MDGA2: variants seen among roughly 807,000 people sequenced by gnomAD.
The protein encoded by MDGA2 is MAM domain-containing glycosylphosphatidylinositol anchor protein 2.
A neutral mutation model predicts 117.8 loss-of-function variants in MDGA2; 40 were observed. The observed-to-expected ratio is 0.34, with a 90% CI of 0.26 to 0.44. The LOEUF (loss-of-function observed/expected upper bound fraction) is 0.44, where lower values mean the gene tolerates loss of function less well. MDGA2 is among the 20% of genes least tolerant of loss of function. The pLI is 1.00. For missense variants in MDGA2, 1,123 were observed against 1,250.6 expected (o/e 0.90, Z 1.54); for synonymous variants, 452 against 439.0 (o/e 1.03, Z -0.37).
At chr14:46,972,134 G>A (rs1343961716) in intron 8 of MDGA2, among the ~76,000 whole-genome samples, 2 of 152,084 alleles carry the variant, frequency 1.3e-5, no homozygotes, top group African/African-American at 4.8e-5. Context: ...ACTGGCATTT[G>A]AAATGGGGCC....
At chr14:47,558,227 C>G (rs573279616) in intron 1 of MDGA2, among the ~76,000 whole-genome samples, 2 of 152,268 alleles carry the variant, frequency 1.3e-5, no homozygotes, top group South Asian at 4.1e-4. Context: ...AATAACATTA[C>G]TCTTCAAACA....
intron 1 of MDGA2, among the ~76,000 whole-genome samples, chr14:47,442,908 G>T (rs1309344700): frequency 6.6e-6 from 1 of 151,822 alleles, no homozygotes; most frequent in African/African-American, 2.4e-5. Context: ...CCCTTTGTTC[G>T]GCGTACCCAT....
At chr14:47,249,012 TTG>T (rs1887350167) in intron 2 of MDGA2, among the ~76,000 whole-genome samples, 1 of 133,888 alleles carries the variant, frequency 7.5e-6, no homozygotes, top group Non-Finnish European at 1.6e-5. Flanking sequence ...TTCTTTTTTG[TTG>T]TTGTTGTTGT....
intron 3 of MDGA2, among the ~76,000 whole-genome samples, chr14:47,150,872 C>T (rs940679216): frequency 2.7e-5 from 4 of 147,680 alleles, no homozygotes; most frequent in Non-Finnish European, 4.4e-5. Context: ...TGTAGTGAGC[C>T]GAGATTGTGC....
At chr14:47,365,462 A>G (rs772023622) in intron 1 of MDGA2, among the ~76,000 whole-genome samples, 1 of 152,398 alleles carries the variant, frequency 6.6e-6, no homozygotes, top group Non-Finnish European at 1.5e-5. Context: ...TGCTGCTGGC[A>G]GCGCAACCCA....
intron 2 of MDGA2, among the ~76,000 whole-genome samples, chr14:47,270,695 T>C (rs182014423): frequency 6.6e-6 from 1 of 152,270 alleles, no homozygotes; most frequent in East Asian, 1.9e-4. Context: ...AAATATTTTA[T>C]AGGAGAGTAA....
At chr14:47,168,847 A>G (rs554523418) in intron 3 of MDGA2, among the ~76,000 whole-genome samples, 25 of 152,214 alleles carry the variant, frequency 1.6e-4, no homozygotes, top group African/African-American at 4.6e-4. Flanking sequence ...CACTAATTCA[A>G]TGATTTTTCT....
At chr14:47,616,360 A>G (rs921329685) in intron 1 of MDGA2, among the ~76,000 whole-genome samples, 2 of 152,222 alleles carry the variant, frequency 1.3e-5, no homozygotes, top group Admixed American at 6.5e-5. Flanking sequence ...AATTTGTAAG[A>G]TAATTGTTGT....
intron 1 of MDGA2, among the ~76,000 whole-genome samples, chr14:47,381,255 T>C (rs1891617945): frequency 6.6e-6 from 1 of 152,168 alleles, no homozygotes. Context: ...GCCAATATCA[T>C]ACTGAATGGG....
chr14:47,277,131 C>T (rs73238707), intron 2 of MDGA2, among the ~76,000 whole-genome samples: 6,179 of 152,180 alleles, frequency 0.041, 138 homozygotes, highest in African/African-American at 0.052. Flanking sequence ...AGTGCCTTTG[C>T]CTGAGCTCAC....
chr14:47,148,927 T>C (rs575502021), intron 3 of MDGA2, among the ~76,000 whole-genome samples: 5 of 152,332 alleles, frequency 3.3e-5, no homozygotes, highest in Non-Finnish European at 7.3e-5. Context: ...TGCTGTGTTC[T>C]GTTAACCATC....
chr14:47,081,206 A>G (rs1423845695), intron 6 of MDGA2, among the ~76,000 whole-genome samples: 1 of 151,962 alleles, frequency 6.6e-6, no homozygotes, highest in Non-Finnish European at 1.5e-5. Context: ...ACTCTTTCTC[A>G]ATTAAAAAAA....
chr14:47,198,559 G>A (rs945047078), intron 3 of MDGA2, among the ~76,000 whole-genome samples: 20 of 152,096 alleles, frequency 1.3e-4, no homozygotes, highest in African/African-American at 4.3e-4. Context: ...GCGACAGAGC[G>A]AGACTCCGTC....
At chr14:46,846,853 T>C (rs189333951) in intron 15 of MDGA2, among the ~76,000 whole-genome samples, 1 of 152,266 alleles carries the variant, frequency 6.6e-6, no homozygotes, top group Non-Finnish European at 1.5e-5. Context: ...TAAAGAGCTG[T>C]TTCTAACATC....
At chr14:47,481,781 C>T (rs1893958716) in intron 1 of MDGA2, among the ~76,000 whole-genome samples, 1 of 151,916 alleles carries the variant, frequency 6.6e-6, no homozygotes, top group Non-Finnish European at 1.5e-5. Flanking sequence ...ACCGTATCAG[C>T]CTTATTTCTC....
In MDGA2 at chr14:47,367,981, T is replaced by G. The variant is rs552036996; in HGVS notation, c.281-66431A>C. 2.4e-4 allele frequency among the ~76,000 whole-genome samples: 37 copies of G among 152,088 alleles called. 1 individual carries two copies. The highest frequency in any genetic ancestry group is 6.2e-4 in the South Asian group (3 of 4,828). On this transcript the variant is annotated intron_variant, in intron 1 of 16. Coordinates refer to ENST00000399232, the MANE Select transcript of MDGA2 (RefSeq NM_001113498.3). ...AGTACCCTATGTTAGCCACACACTT[T>G]CTAAAAAGAAAGATATGGCCGGGCG...
intron 1 of MDGA2, among the ~76,000 whole-genome samples, chr14:47,493,170 G>C (rs2138657918): frequency 6.6e-6 from 1 of 151,642 alleles, no homozygotes; most frequent in Admixed American, 6.6e-5. Context: ...ATAATAAGCA[G>C]ATATATAGTA....
chr14:47,040,210 C>T (rs1594555860), intron 7 of MDGA2, among the ~76,000 whole-genome samples: 1 of 152,068 alleles, frequency 6.6e-6, no homozygotes, highest in East Asian at 1.9e-4. Flanking sequence ...GGTAATTGGG[C>T]ACTAATTCAG....
At chr14:47,043,672 G>A (rs978565387) in intron 7 of MDGA2, among the ~76,000 whole-genome samples, 3 of 151,982 alleles carry the variant, frequency 2.0e-5, no homozygotes, top group Non-Finnish European at 2.9e-5. Context: ...AAATCCCACT[G>A]CTTGTTTTCC....
Sources: gnomAD v4.1 joint callset for allele counts (sites outside exome capture counted in the v4.1 genomes callset) on GRCh38, gnomAD v4.1.1 for gene constraint, MANE v1.5 for transcripts, NCBI Gene and HGNC (gene_info 2026-07-23, HGNC 2026-07-21) for gene names.